ZC3H12B: variants seen among roughly 807,000 people sequenced by gnomAD.
ZC3H12B encodes the protein probable ribonuclease ZC3H12B.
In ZC3H12B, 7 loss-of-function variants were observed where a neutral mutation model predicts 43.9. That is an observed-to-expected ratio of 0.16 (90% confidence interval 0.09 to 0.30). The LOEUF (loss-of-function observed/expected upper bound fraction) is 0.30, where lower values mean the gene tolerates loss of function less well. Among genes scored for constraint, ZC3H12B ranks in the 10% least tolerant of loss-of-function variants. The probability of loss-of-function intolerance (pLI) is 1.00; values close to 1 mark genes in which losing one functional copy is unlikely to be tolerated. For missense variants in ZC3H12B, 475 were observed against 670.2 expected, an observed-to-expected ratio of 0.71 and a Z score of 3.22; for synonymous variants, 222 against 241.7, an observed-to-expected ratio of 0.92 and a Z score of 0.76.
At chrX:65,404,851 T>C (rs2066803892) in intron 3 of ZC3H12B, among the ~76,000 whole-genome samples, 1 of 112,145 alleles carries the variant, frequency 8.9e-6, no homozygotes, top group Non-Finnish European at 1.9e-5. Context: ...ATAGATCAAA[T>C]GAATCTAATA....
At chrX:65,419,802 G>A (rs770133646) in intron 3 of ZC3H12B, among the ~76,000 whole-genome samples, 6 of 110,918 alleles carry the variant, frequency 5.4e-5, no homozygotes, top group Non-Finnish European at 9.5e-5. Context: ...CACCAGGCCC[G>A]CACTCATGGG....
At chrX:65,146,174 T>A in the ZC3H12B span, among the ~76,000 whole-genome samples, 1 of 111,230 alleles carries the variant, frequency 9.0e-6, no homozygotes, top group African/African-American at 3.3e-5. Context: ...TCTTTGTTCA[T>A]ATTTTCTTAT....
At chrX:65,254,912 A>T in the ZC3H12B span, among the ~76,000 whole-genome samples, 1 of 112,121 alleles carries the variant, frequency 8.9e-6, no homozygotes, top group Non-Finnish European at 1.9e-5. Flanking sequence ...AGAATTTCAG[A>T]ATACAATCAC....
At chrX:65,379,716 T>G (rs755094271) in intron 2 of ZC3H12B, among the ~76,000 whole-genome samples, 2 of 111,390 alleles carry the variant, frequency 1.8e-5, no homozygotes, top group African/African-American at 6.5e-5. Context: ...TGAAAAAAAT[T>G]TAGACGAATG....
At chrX:65,400,801 A>T (rs778695629) in intron 3 of ZC3H12B, among the ~76,000 whole-genome samples, 14 of 111,895 alleles carry the variant, frequency 1.3e-4, no homozygotes, top group Non-Finnish European at 2.3e-4. Context: ...AATTTACCTA[A>T]TCTGGATAAT....
intron 1 of ZC3H12B, among the ~76,000 whole-genome samples, chrX:65,368,007 G>T (rs1400446189): frequency 1.8e-5 from 2 of 111,724 alleles, no homozygotes; most frequent in Non-Finnish European, 3.8e-5. Flanking sequence ...GCCATACTTT[G>T]CTTCTGGACC....
intron 2 of ZC3H12B, among the ~76,000 whole-genome samples, chrX:65,379,778 G>GA (rs1569383598): frequency 8.9e-6 from 1 of 112,291 alleles, no homozygotes; most frequent in Non-Finnish European, 1.9e-5. Flanking sequence ...TGATGGAGCT[G>GA]AAAAACAAGG....
chrX:65,403,316 C>T (rs2066785087), intron 3 of ZC3H12B, among the ~76,000 whole-genome samples: 2 of 110,794 alleles, frequency 1.8e-5, no homozygotes, highest in South Asian at 3.8e-4. Flanking sequence ...GTAAAGCATG[C>T]CTACAGGATC....
At chrX:65,499,763 A>G (rs1222204962) in intron 3 of ZC3H12B, 120 bp from the exon 9 acceptor site, 1 of 539,689 alleles carries the variant, frequency 1.9e-6, no homozygotes, top group Admixed American at 3.0e-5. Flanking sequence ...GACTTGAGGC[A>G]GGAAGGGCAA....
chrX:65,402,841 T>C (rs2066779590), intron 3 of ZC3H12B, among the ~76,000 whole-genome samples: 1 of 112,333 alleles, frequency 8.9e-6, no homozygotes, highest in Admixed American at 9.4e-5. Flanking sequence ...TGGAAAGCTT[T>C]TCAAATAAGG....
At chrX:65,340,552 G>A in the ZC3H12B span, among the ~76,000 whole-genome samples, 7 of 111,686 alleles carry the variant, frequency 6.3e-5, 1 homozygote, top group African/African-American at 2.0e-4. Context: ...GCCCAATACA[G>A]GTCTCCCAGA....
the ZC3H12B span, among the ~76,000 whole-genome samples, chrX:65,160,240 C>G: frequency 3.6e-5 from 4 of 111,728 alleles, no homozygotes; most frequent in East Asian, 5.6e-4. Context: ...GGTTGTGTCT[C>G]TACCCGGCTT....
At chrX:65,123,531 T>G in the ZC3H12B span, among the ~76,000 whole-genome samples, 4 of 110,608 alleles carry the variant, frequency 3.6e-5, no homozygotes, top group East Asian at 1.1e-3. Flanking sequence ...TGGTGGTATT[T>G]TGATTCGAAT....
At chrX:65,384,830 T>G (rs1204869223) in intron 2 of ZC3H12B, among the ~76,000 whole-genome samples, 2 of 112,227 alleles carry the variant, frequency 1.8e-5, no homozygotes, top group Non-Finnish European at 1.9e-5. Flanking sequence ...TATTCTATGA[T>G]ATTTGAAACA....
the ZC3H12B span, among the ~76,000 whole-genome samples, chrX:65,153,214 A>C: frequency 2.7e-5 from 3 of 112,227 alleles, no homozygotes; most frequent in African/African-American, 6.5e-5. Flanking sequence ...AATGGCAACA[A>C]AAGCCAAAAT....
chrX:65,237,349 G>A, the ZC3H12B span, among the ~76,000 whole-genome samples: 1 of 111,077 alleles, frequency 9.0e-6, no homozygotes, highest in Non-Finnish European at 1.9e-5. Context: ...GAGTTCATTT[G>A]TGGTTTCACT....
chrX:65,449,400 C>A (rs2067437699), intron 3 of ZC3H12B, among the ~76,000 whole-genome samples: 1 of 111,446 alleles, frequency 9.0e-6, no homozygotes, highest in Admixed American at 9.5e-5. Flanking sequence ...GGGCGGATCA[C>A]CTGAGGTCAG....
At chrX:65,137,865 A>G in the ZC3H12B span, among the ~76,000 whole-genome samples, 2 of 112,623 alleles carry the variant, frequency 1.8e-5, no homozygotes, top group Non-Finnish European at 3.8e-5. Context: ...GTCTCGCTCT[A>G]TTGCCCAGGC....
chrX:65,107,616 C>G, the ZC3H12B span, among the ~76,000 whole-genome samples: 1 of 111,029 alleles, frequency 9.0e-6, no homozygotes, highest in Non-Finnish European at 1.9e-5. Context: ...ATGGGATGGA[C>G]CCGGTGGAAG....
Sources: allele counts gnomAD v4.1 joint callset (sites outside exome capture counted in the v4.1 genomes callset), GRCh38; gene constraint gnomAD v4.1.1; transcripts MANE v1.5; gene names NCBI Gene and HGNC (gene_info 2026-07-23, HGNC 2026-07-21).